OCA2: variants seen among roughly 807,000 people sequenced by gnomAD.
OCA2 encodes the protein OCA2 melanosomal transmembrane protein.
OCA2 carries 77 observed loss-of-function variants against 100.2 expected under a neutral mutation model. The observed-to-expected ratio is 0.77, with a 90% CI of 0.64 to 0.93. The LOEUF is 0.93. OCA2 is among the 40% of genes least tolerant of loss of function. OCA2 has a pLI of 0.00. For missense variants in OCA2, 1,062 were observed against 1,089.1 expected, an observed-to-expected ratio of 0.98 and a Z score of 0.35; for synonymous variants, 432 against 439.2, an observed-to-expected ratio of 0.98 and a Z score of 0.21.
At chr15:27,872,064 C>T (rs2036601481) in intron 19 of OCA2, 142 bp from the exon 20 acceptor site, 2 of 688,926 alleles carry the variant, frequency 2.9e-6, no homozygotes, top group Non-Finnish European at 5.2e-6. Flanking sequence ...GACTCAAATA[C>T]ACAGTCTATA....
intron 18 of OCA2, among the ~76,000 whole-genome samples, chr15:27,943,781 A>C (rs2039735812): frequency 6.6e-6 from 1 of 151,912 alleles, no homozygotes; most frequent in Admixed American, 6.6e-5. Flanking sequence ...ACCAATTGCC[A>C]ATCAGAAAGT....
rs116337864 is a variant in OCA2 at position 28,059,842 on chromosome 15, G to A, written c.227+21806C>T. ...AATATAACCGGCCGCTAGTCCCCTT[G>A]ATGAATGGGAGCATGTGAAGTCAAT... On this transcript the variant is annotated intron_variant, in intron 2 of 23. Coordinates refer to ENST00000354638, the MANE Select transcript of OCA2 (RefSeq NM_000275.3). Among the ~76,000 whole-genome samples the A allele has an allele frequency of 4.4e-3, 664 of 152,240 alleles. 4 individuals carry two copies. The highest frequency in any genetic ancestry group is 0.015 in the African/African-American group (639 of 41,538).
intron 5 of OCA2, among the ~76,000 whole-genome samples, chr15:28,022,905 T>G (rs1288216903): frequency 6.6e-6 from 1 of 152,242 alleles, no homozygotes; most frequent in Non-Finnish European, 1.5e-5. Flanking sequence ...AGCATGTGTT[T>G]GTGGTAGCAG....
At chr15:27,807,187 C>A (rs2151201582) in intron 23 of OCA2, among the ~76,000 whole-genome samples, 1 of 152,238 alleles carries the variant, frequency 6.6e-6, no homozygotes, top group East Asian at 1.9e-4. Context: ...CCTCTAAGCC[C>A]TTCTGAGGGC....
Position 27,844,288 on chromosome 15 carries a change from G to A in OCA2, c.2432+671C>T, listed in dbSNP as rs555521871. 2.6e-5 allele frequency among the ~76,000 whole-genome samples: 4 copies of A among 152,252 alleles called. No homozygotes were observed. The East Asian group carries it at 7.7e-4, about 29-fold the overall frequency. ...GCCACTGCCAGGCTGCCCCCATTCC[G>A]CCACCCTGGCTTCAGTCTGCAACAT... On this transcript the variant is annotated intron_variant, in intron 23 of 23. Transcript: ENST00000354638.
intron 2 of OCA2, among the ~76,000 whole-genome samples, chr15:28,051,446 C>T (rs2043510933): frequency 6.6e-6 from 1 of 152,068 alleles, no homozygotes. Flanking sequence ...GCATGCGCTA[C>T]CACGTCCACC....
the OCA2 span, among the ~76,000 whole-genome samples, chr15:27,732,911 A>G: frequency 2.7e-3 from 404 of 152,356 alleles, 4 homozygotes; most frequent in African/African-American, 9.2e-3. Context: ...ATTGCCATTT[A>G]TATTCTCACA....
At chr15:27,944,719 T>C (rs949175728) in intron 18 of OCA2, among the ~76,000 whole-genome samples, 4 of 152,168 alleles carry the variant, frequency 2.6e-5, no homozygotes, top group Admixed American at 2.6e-4. Context: ...CAAGCACCCA[T>C]TGCCTAACCA....
intron 6 of OCA2, among the ~76,000 whole-genome samples, chr15:28,020,307 A>G (rs2042553339): frequency 6.6e-6 from 1 of 152,164 alleles, no homozygotes; most frequent in African/African-American, 2.4e-5. Flanking sequence ...GGCTGAGGCT[A>G]TCATCTCATC....
In OCA2 at chr15:27,955,200, C is replaced by T. The variant is rs2040179911; in HGVS notation, c.1800G>A (p.Glu600=). Residue 600 remains glutamate (E), a synonymous_variant, in exon 17 of 24, where the codon GAG becomes GAA. Coordinates refer to ENST00000354638, the MANE Select transcript of OCA2 (RefSeq NM_000275.3). ...GGATATTGGTCTCCCAATTTTTGTCCTCCTGTGAGATCTGTCTAAAAGAGA... is the reference window on the plus strand; with the variant it reads ...GGATATTGGTCTCCCAATTTTTGTCTTCCTGTGAGATCTGTCTAAAAGAGA... The part of the protein sequence containing the change: ...LHTFHRQISQ[E]DKNWETNIQE... 3 of 1,611,688 alleles carry T rather than the reference C, an allele frequency of 1.9e-6. No individual in the cohort carries two copies. The highest frequency in any genetic ancestry group is 1.3e-5 in the African/African-American group (1 of 74,866).
intron 23 of OCA2, among the ~76,000 whole-genome samples, chr15:27,763,608 G>T (rs1339918759): frequency 6.6e-6 from 1 of 152,236 alleles, no homozygotes; most frequent in Admixed American, 6.5e-5. Context: ...TGCGATGCCG[G>T]TGTGATGGAG....
chr15:27,840,820 A>AG (rs1365645645), intron 23 of OCA2, among the ~76,000 whole-genome samples: 1 of 152,230 alleles, frequency 6.6e-6, no homozygotes, highest in Non-Finnish European at 1.5e-5. Context: ...AAAACCTGGG[A>AG]GAAAAAAAGG....
intron 2 of OCA2, among the ~76,000 whole-genome samples, chr15:28,072,396 T>C (rs1230974800): frequency 2.0e-5 from 3 of 152,064 alleles, no homozygotes; most frequent in African/African-American, 7.2e-5. Context: ...AAGACCATCC[T>C]GGCTAACACG....
chr15:27,903,852 C>G lies in OCA2; in HGVS notation c.2079+22275G>C, dbSNP rs563973478. ...TCTTCTTGTTCTAAAAGAATTTTTA[C>G]ATGAATATTTCATGTGATGGTATTG... On this transcript the variant is annotated intron_variant, in intron 19 of 23. Transcript: ENST00000354638. Among the ~76,000 whole-genome samples, 10 of 152,364 alleles carry G rather than the reference C, an allele frequency of 6.6e-5. No individual in the cohort carries two copies. In the South Asian group the frequency reaches 2.1e-3, roughly 32 times the overall value.
At chr15:27,732,533 G>A in the OCA2 span, among the ~76,000 whole-genome samples, 1 of 152,178 alleles carries the variant, frequency 6.6e-6, no homozygotes, top group African/African-American at 2.4e-5. Flanking sequence ...AGAGACTAGA[G>A]TCCCCTGCAT....
chr15:27,923,453 G>A (rs938982527), intron 19 of OCA2, among the ~76,000 whole-genome samples: 1 of 152,110 alleles, frequency 6.6e-6, no homozygotes, highest in African/African-American at 2.4e-5. Flanking sequence ...TTTCTACAAT[G>A]GTTGAACTAA....
At chr15:27,768,996 C>T (rs117080305) in intron 23 of OCA2, among the ~76,000 whole-genome samples, 3,002 of 152,278 alleles carry the variant, frequency 0.02, 44 homozygotes, top group Non-Finnish European at 0.027. Flanking sequence ...GTTATGACTT[C>T]CTGTCGCTGC....
At chr15:27,984,945 C>T in intron 13 of OCA2, 119 bp downstream of exon 13, 1 of 1,210,816 alleles carries the variant, frequency 8.3e-7, no homozygotes, top group Non-Finnish European at 1.2e-6. Flanking sequence ...GAGCTGTGGG[C>T]TCAACCGCCC....
intron 19 of OCA2, among the ~76,000 whole-genome samples, chr15:27,911,229 G>A (rs763987206): frequency 2.0e-5 from 3 of 151,996 alleles, no homozygotes; most frequent in Admixed American, 6.6e-5. Context: ...AACAGCCTGC[G>A]GGCAACATGG....
Sources: gnomAD v4.1 joint callset for allele counts (sites outside exome capture counted in the v4.1 genomes callset) on GRCh38, gnomAD v4.1.1 for gene constraint, MANE v1.5 for transcripts, NCBI Gene and HGNC (gene_info 2026-07-23, HGNC 2026-07-21) for gene names.